AFDN: variants seen among roughly 807,000 people sequenced by gnomAD.
AFDN encodes the protein afadin.
A neutral mutation model predicts 216.6 loss-of-function variants in AFDN; 68 were observed. The ratio of observed to expected loss-of-function variants is 0.31; its 90% CI spans 0.26 to 0.38. AFDN has a LOEUF of 0.38. Ranked by LOEUF, AFDN falls within the 10% of genes least tolerant of loss-of-function variation. The pLI, the probability that AFDN is intolerant of heterozygous loss-of-function variation, is 1.00. For missense variants in AFDN, 2,136 were observed against 2,342.0 expected, an observed-to-expected ratio of 0.91 and a Z score of 1.82; for synonymous variants, 868 against 853.7, an observed-to-expected ratio of 1.02 and a Z score of -0.29.
intron 30 of AFDN, among the ~76,000 whole-genome samples, chr6:167,958,477 A>G (rs1470861203): frequency 6.6e-6 from 1 of 152,162 alleles, no homozygotes. Context: ...CTCGAAATTT[A>G]CTTGGTTTGA....
At position 167,971,099 on chromosome 6, in the gene AFDN, T is replaced by C. The variant is rs1191493206; in HGVS notation, c.*1164T>C. On this transcript the variant is annotated 3_prime_UTR_variant, in exon 34 of 34. Coordinates refer to ENST00000683244, the MANE Select transcript of AFDN (RefSeq NM_001386888.1). ...GGGAGACGGACCTCAGTGTGTTTTA[T>C]ATTGTCTGGTGTTAAGATGATAAAT... 2 of 221,000 alleles carry C rather than the reference T, an allele frequency of 9.0e-6. No individual in the cohort carries two copies. Among genetic ancestry groups the C allele is most frequent in the Non-Finnish European group, 1.8e-5 (2 of 110,490 alleles). 13.7% of individuals were successfully genotyped at this position (221,000 alleles called of 1,614,324 possible).
chr6:167,889,763 G>A (rs1787335905), intron 7 of AFDN, among the ~76,000 whole-genome samples: 1 of 152,158 alleles, frequency 6.6e-6, no homozygotes, highest in Admixed American at 6.5e-5. Flanking sequence ...CTGAACAAAT[G>A]GTGATACTGC....
At chr6:167,857,184 A>C (rs899184239) in intron 1 of AFDN, among the ~76,000 whole-genome samples, 1 of 151,972 alleles carries the variant, frequency 6.6e-6, no homozygotes, top group Admixed American at 6.6e-5. Context: ...TACTAAATAC[A>C]GTGTTGTCAT....
intron 1 of AFDN, among the ~76,000 whole-genome samples, chr6:167,858,734 G>A (rs1045504345): frequency 6.6e-6 from 1 of 152,188 alleles, no homozygotes; most frequent in Non-Finnish European, 1.5e-5. Flanking sequence ...GATTGTGTTT[G>A]CTAAGTTGCT....
At chr6:167,878,159 T>G (rs1320004178) in intron 5 of AFDN, among the ~76,000 whole-genome samples, 1 of 152,066 alleles carries the variant, frequency 6.6e-6, no homozygotes, top group Non-Finnish European at 1.5e-5. Context: ...CGCAGTCTTG[T>G]GAGTAGCGGG....
chr6:167,878,452 A>G (rs1785670227), intron 5 of AFDN, among the ~76,000 whole-genome samples: 1 of 152,084 alleles, frequency 6.6e-6, no homozygotes, highest in African/African-American at 2.4e-5. Flanking sequence ...CCTGTTGCTA[A>G]TGTCCCTATC....
At chr6:167,865,822 T>A (rs539879309) in intron 2 of AFDN, among the ~76,000 whole-genome samples, 1 of 151,590 alleles carries the variant, frequency 6.6e-6, no homozygotes, top group African/African-American at 2.4e-5. Flanking sequence ...ACTCAAAAAA[T>A]ACTGCTTTCT....
Position 167,898,313 on chromosome 6 carries a change from C to G in AFDN, c.1426C>G (p.Arg476Gly), listed in dbSNP as rs761901522. The change falls in exon 11 of 34, where the codon CGC becomes GGC. Residue 476 changes from arginine (R) to glycine (G), a missense_variant. Transcript: ENST00000683244. The part of the protein sequence containing the change: ...MDAETYVEGQ[R>G]ISETTMLQSG... ...CGCAGAAACCTACGTGGAAGGCCAGCGCATCTCAGAAACCACCATGCTGCA... is the reference window on the plus strand; with the variant it reads ...CGCAGAAACCTACGTGGAAGGCCAGGGCATCTCAGAAACCACCATGCTGCA... 4.3e-6 allele frequency: 7 copies of G among 1,613,958 alleles called. No homozygotes were observed. Among genetic ancestry groups the G allele is most frequent in the South Asian group, 2.2e-5 (2 of 91,070 alleles).
chr6:167,854,387 A>G lies in AFDN; in HGVS notation c.106-10164A>G, dbSNP rs139126055. On this transcript the variant is annotated intron_variant, in intron 1 of 33. Coordinates refer to ENST00000683244, the MANE Select transcript of AFDN (RefSeq NM_001386888.1). ...GGAAATTTTTTTCCCCCAGTGTGTT[A>G]CTTGTCTTGGTACTTTACCTATTGT... Among the ~76,000 whole-genome samples, 580 of 152,068 alleles carry G rather than the reference A, an allele frequency of 3.8e-3. 2 individuals are homozygous for G. The highest frequency in any genetic ancestry group is 0.013 in the African/African-American group (545 of 41,512).
At chr6:167,897,642 C>CTT (rs57383020) in intron 10 of AFDN, among the ~76,000 whole-genome samples, 9,348 of 89,016 alleles carry the variant, frequency 0.11, 1,157 homozygotes, top group Non-Finnish European at 0.11. Flanking sequence ...GACTGTATGC[C>CTT]TTTTTTTTTT....
In AFDN at chr6:167,947,939, A is replaced by G. The variant is rs1465403233; in HGVS notation, c.3640A>G (p.Thr1214Ala). Reference protein sequence around the residue: ...ITSVSTGNLCTEEQTPPPRPE... With the variant: ...ITSVSTGNLCAEEQTPPPRPE... ...ATCTGTCTCTACTGGAAACCTCTGC[A>G]CTGAGGTCTGATTGATTGATAAGCA... The change falls in exon 28 of 34, where the codon ACT (threonine) becomes GCT (alanine). Residue 1214 changes from threonine (T) to alanine (A), a missense_variant. Thr to Ala is a moderately conservative substitution (Grantham distance 58). Transcript: ENST00000683244. 1.2e-6 allele frequency: 2 copies of G among 1,608,990 alleles called. No homozygotes were observed. Among genetic ancestry groups the G allele is most frequent in the South Asian group, 1.1e-5 (1 of 90,918 alleles).
chr6:167,943,845 T>A (rs1300781809), intron 25 of AFDN, 96 bp from the exon 26 acceptor site: 27 of 1,020,632 alleles, frequency 2.6e-5, no homozygotes, highest in Non-Finnish European at 4.1e-5. Flanking sequence ...GATGAAGCTG[T>A]GTAACATGAT....
chr6:167,920,635 TC>T (rs1255076096), intron 21 of AFDN, among the ~76,000 whole-genome samples: 1 of 152,182 alleles, frequency 6.6e-6, no homozygotes, highest in African/African-American at 2.4e-5. Flanking sequence ...CAGGAACTCT[TC>T]CTCTGTCATG....
At chr6:167,936,766 G>GACTGCCATAGCCAGACCACAT (rs1428623360) in intron 23 of AFDN, among the ~76,000 whole-genome samples, 1 of 152,156 alleles carries the variant, frequency 6.6e-6, no homozygotes, top group Non-Finnish European at 1.5e-5. Context: ...GCACATTCCA[G>GACTGCCATAGCCAGACCACAT]TCCTGCACTG....
rs559466708 is a variant in AFDN at position 167,864,136 on chromosome 6, G to T, written c.106-415G>T. On this transcript the variant is annotated intron_variant, in intron 1 of 33. Coordinates refer to ENST00000683244, the MANE Select transcript of AFDN (RefSeq NM_001386888.1). Reference sequence around the variant, plus strand: ...CTGGTGGATCTGGGTCTTAACTCTGGATCTGCCACATACCAGCTCGAGCAC... The same window carrying T: ...CTGGTGGATCTGGGTCTTAACTCTGTATCTGCCACATACCAGCTCGAGCAC... 2.0e-5 allele frequency among the ~76,000 whole-genome samples: 3 copies of T among 152,242 alleles called. No individual in the cohort carries two copies. The South Asian group carries it at 6.2e-4, about 32-fold the overall frequency.
rs148992249 is a variant in AFDN, at chr6:167,934,666, C to A, written c.3100-8463C>A. The stretch of plus-strand genomic sequence containing the variant: ...TACCTGAGAACAATAGGGTTGGATT[C>A]ATGATGATTTGGCCAGCATATCTTT... On this transcript the variant is annotated intron_variant, in intron 23 of 33. Coordinates refer to ENST00000683244, the MANE Select transcript of AFDN (RefSeq NM_001386888.1). 3.8e-3 allele frequency among the ~76,000 whole-genome samples: 575 copies of A among 152,224 alleles called. 2 individuals carry two copies. Among genetic ancestry groups the A allele is most frequent in the African/African-American group, 0.013 (540 of 41,530 alleles).
chr6:167,842,453 G>A (rs1404091218), intron 1 of AFDN, among the ~76,000 whole-genome samples: 1 of 152,108 alleles, frequency 6.6e-6, no homozygotes, highest in African/African-American at 2.4e-5. Context: ...GAGGCACATT[G>A]ATAATGACTC....
At chr6:167,879,505 A>G (rs1785846674) in intron 5 of AFDN, among the ~76,000 whole-genome samples, 3 of 152,220 alleles carry the variant, frequency 2.0e-5, no homozygotes, top group Non-Finnish European at 2.9e-5. Flanking sequence ...TCACAGTGTC[A>G]TAATGGGACT....
intron 4 of AFDN, among the ~76,000 whole-genome samples, chr6:167,873,529 A>G (rs1785010738): frequency 6.6e-6 from 1 of 152,176 alleles, no homozygotes; most frequent in African/African-American, 2.4e-5. Context: ...TCTACGACTT[A>G]GGGAACTTAT....
Sources: gnomAD v4.1 joint callset for allele counts (sites outside exome capture counted in the v4.1 genomes callset) on GRCh38, gnomAD v4.1.1 for gene constraint, MANE v1.5 for transcripts, NCBI Gene and HGNC (gene_info 2026-07-23, HGNC 2026-07-21) for gene names.